The following CEP83 variants were observed in gnomAD, a reference collection of about 807,000 sequenced individuals.
The protein encoded by CEP83 is centrosomal protein 83.
CEP83 carries 70 observed loss-of-function variants against 101.9 expected under a neutral mutation model. That is an observed-to-expected ratio of 0.69 (90% CI 0.57 to 0.84). The LOEUF is 0.84. CEP83 is among the 40% of genes least tolerant of loss of function. The pLI is 0.00. For synonymous variants in CEP83, 264 were observed against 267.9 expected, an observed-to-expected ratio of 0.99 and a Z score of 0.14; for missense variants, 715 against 787.2, an observed-to-expected ratio of 0.91 and a Z score of 1.10.
At chr12:94,338,990 G>A (rs1411507888) in intron 11 of CEP83, among the ~76,000 whole-genome samples, 2 of 150,214 alleles carry the variant, frequency 1.3e-5, no homozygotes, top group African/African-American at 4.9e-5. Flanking sequence ...TAGAGATGGA[G>A]TTTCACTCTT....
intron 2 of CEP83, among the ~76,000 whole-genome samples, chr12:94,421,436 C>G (rs1025753721): frequency 1.3e-5 from 2 of 152,230 alleles, no homozygotes; most frequent in South Asian, 2.1e-4. Context: ...ATGTCAAGGA[C>G]TGTAGTCCTT....
At chr12:94,357,815 T>C (rs891751117) in intron 11 of CEP83, among the ~76,000 whole-genome samples, 26 of 152,232 alleles carry the variant, frequency 1.7e-4, no homozygotes, top group African/African-American at 5.5e-4. Flanking sequence ...CAAATTGTTA[T>C]ATCTACTTCT....
the CEP83 span, among the ~76,000 whole-genome samples, chr12:94,295,885 A>G: frequency 6.6e-6 from 1 of 152,146 alleles, no homozygotes; most frequent in African/African-American, 2.4e-5. Context: ...CTCTCAGCAG[A>G]TGACTTCACC....
chr12:94,275,576 G>A, the CEP83 span, among the ~76,000 whole-genome samples: 6 of 86,124 alleles, frequency 7.0e-5, 2 homozygotes, highest in Non-Finnish European at 1.4e-4. Context: ...CTGTTTGGCC[G>A]GGCGCGGTGG....
At chr12:94,336,888 C>T (rs746005970) in intron 11 of CEP83, among the ~76,000 whole-genome samples, 18 of 151,682 alleles carry the variant, frequency 1.2e-4, no homozygotes, top group Non-Finnish European at 1.6e-4. Context: ...TGGGCTCAAA[C>T]TCTTTGGCTT....
At chr12:94,315,694 A>G (rs1197594337) in intron 14 of CEP83, among the ~76,000 whole-genome samples, 2 of 144,824 alleles carry the variant, frequency 1.4e-5, no homozygotes, top group Non-Finnish European at 1.5e-5. Flanking sequence ...TAGAAGCTTT[A>G]TTTTTTTTTT....
chr12:94,341,649 T>G (rs1384068280), intron 11 of CEP83, among the ~76,000 whole-genome samples: 1 of 151,996 alleles, frequency 6.6e-6, no homozygotes, highest in East Asian at 1.9e-4. Context: ...CATTTACACA[T>G]TGTAAGTGAA....
At chr12:94,328,349 C>G (rs1293793458) in intron 14 of CEP83, 3 of 265,250 alleles carry the variant, frequency 1.1e-5, no homozygotes, top group Non-Finnish European at 2.3e-5. Flanking sequence ...TCATTTACAC[C>G]AAAGACTACT....
At position 94,368,310 on chromosome 12, in the gene CEP83, T is replaced by C; in HGVS notation, c.1049-109A>G. The C allele has an allele frequency of 2.2e-5, 16 of 731,310 alleles. No homozygotes were observed. The South Asian group carries it at 3.1e-4, about 14-fold the overall frequency. 45.3% of individuals were successfully genotyped at this position (731,310 alleles called of 1,614,324 possible). On this transcript the variant is annotated intron_variant, in intron 9 of 16. Transcript: ENST00000397809. ...TGGTAAGACAAATGAATGTAGAAAG[T>C]CTCTACAAATATATATTCTCAACAA...
At chr12:94,331,289 GAAAAAAAAAAAAAAAA>G (rs568464808) in intron 14 of CEP83, among the ~76,000 whole-genome samples, 2 of 43,818 alleles carry the variant, frequency 4.6e-5, no homozygotes, top group Non-Finnish European at 6.9e-5. Context: ...CAGACTCTCA[GAAAAAAAAAAAAAAAA>G]AAAAAAAAAA....
intron 14 of CEP83, among the ~76,000 whole-genome samples, chr12:94,331,318 A>AAAAAAAAAAAATT (rs1267699635): frequency 1.3e-5 from 1 of 75,828 alleles, no homozygotes; most frequent in African/African-American, 4.4e-5. Context: ...AAAAAAAAAG[A>AAAAAAAAAAAATT]TTTAATTATA....
In CEP83 at chr12:94,412,575, A is replaced by C; in HGVS notation, c.-85T>G. 115 of 1,200,506 alleles carry C rather than the reference A, an allele frequency of 9.6e-5. No homozygotes were observed. Among genetic ancestry groups the C allele is most frequent in the Non-Finnish European group, 1.2e-4 (99 of 834,236 alleles). 74.4% of individuals were successfully genotyped at this position (1,200,506 alleles called of 1,614,324 possible). ...TCCTTTCTTGCTAAGGCAGAATCTC[A>C]GGAAGCCAAATTATACCTGCACAGA... is the stretch of plus-strand genomic sequence containing the variant. On this transcript the variant is annotated 5_prime_UTR_variant, in exon 3 of 17. It removes the in-frame stop codon of an upstream open reading frame in the 5' UTR. Coordinates refer to ENST00000397809, the MANE Select transcript of CEP83 (RefSeq NM_016122.3).
At chr12:94,418,354 C>T (rs1387412362) in intron 2 of CEP83, among the ~76,000 whole-genome samples, 1 of 152,030 alleles carries the variant, frequency 6.6e-6, no homozygotes, top group African/African-American at 2.4e-5. Flanking sequence ...GACTGAGACT[C>T]TGTCTTTAAA....
the CEP83 span, among the ~76,000 whole-genome samples, chr12:94,280,371 C>T: frequency 6.6e-6 from 1 of 152,320 alleles, no homozygotes; most frequent in South Asian, 2.1e-4. Flanking sequence ...TGGTGACAGA[C>T]AGTGTAACGA....
chr12:94,383,486 T>C (rs1417392859), intron 6 of CEP83, among the ~76,000 whole-genome samples: 1 of 152,028 alleles, frequency 6.6e-6, no homozygotes, highest in East Asian at 1.9e-4. Context: ...TGACTTACAA[T>C]GGAGTTACAT....
At chr12:94,425,142 G>C (rs1157544970) in intron 2 of CEP83, among the ~76,000 whole-genome samples, 1 of 150,796 alleles carries the variant, frequency 6.6e-6, no homozygotes, top group Non-Finnish European at 1.5e-5. Flanking sequence ...AGAGATGAAG[G>C]GGGGCTGCCT....
the CEP83 span, among the ~76,000 whole-genome samples, chr12:94,267,779 T>G: frequency 6.6e-6 from 1 of 152,232 alleles, no homozygotes; most frequent in African/African-American, 2.4e-5. Flanking sequence ...TTTCATTTCC[T>G]TTCAGGCATT....
At chr12:94,442,543 GGAAA>G (rs1326335004) in intron 1 of CEP83, among the ~76,000 whole-genome samples, 2 of 151,672 alleles carry the variant, frequency 1.3e-5, no homozygotes, top group African/African-American at 4.8e-5. Flanking sequence ...GAAAAAACAC[GGAAA>G]GAAAGGTTTC....
intron 14 of CEP83, among the ~76,000 whole-genome samples, chr12:94,327,594 T>C (rs1197674896): frequency 6.6e-6 from 1 of 152,216 alleles, no homozygotes; most frequent in Non-Finnish European, 1.5e-5. Context: ...TGACATGTGT[T>C]TTTTATCTTT....
Sources: allele counts gnomAD v4.1 joint callset (sites outside exome capture counted in the v4.1 genomes callset), GRCh38; gene constraint gnomAD v4.1.1; transcripts MANE v1.5; gene names NCBI Gene and HGNC (gene_info 2026-07-23, HGNC 2026-07-21).